The following C16orf46 variants were observed in gnomAD, a reference collection of about 807,000 sequenced individuals.
The protein encoded by C16orf46 is chromosome 16 open reading frame 46.
A neutral mutation model predicts 5.5 loss-of-function variants in C16orf46; 7 were observed. That is an observed-to-expected ratio of 1.28 (90% CI 0.73 to 2.40). The LOEUF is 2.40. C16orf46 is among the 30% of genes most tolerant of loss of function. The probability of loss-of-function intolerance (pLI) is 0.00; values close to 1 mark genes in which losing one functional copy is unlikely to be tolerated. For missense variants in C16orf46, 614 were observed against 476.0 expected (o/e 1.29, Z -2.70); for synonymous variants, 200 against 184.1 (o/e 1.09, Z -0.70).
chr16:81,065,056 C>T (rs1441885835), intron 2 of C16orf46, among the ~76,000 whole-genome samples: 1 of 152,110 alleles, frequency 6.6e-6, no homozygotes, highest in African/African-American at 2.4e-5. Flanking sequence ...AGAATCTAGA[C>T]AAAGGGTCTG....
Position 81,074,866 on chromosome 16 carries a change from C to G in C16orf46, c.-128+2270G>C, listed in dbSNP as rs150928012. ...ATGTAGACTCCAAATGCATCAGATC[C>G]TTGTAAAATTTCCCCTTTTGTTTTT... On this transcript the variant is annotated intron_variant, in intron 1 of 3. Coordinates refer to ENST00000299578, the MANE Select transcript of C16orf46 (RefSeq NM_152337.3). 8.5e-5 allele frequency among the ~76,000 whole-genome samples: 13 copies of G among 152,140 alleles called. No homozygotes were observed. In the East Asian group the frequency reaches 2.3e-3, roughly 27 times the overall value.
chr16:81,074,252 G>A lies in C16orf46; in HGVS notation c.-128+2884C>T, dbSNP rs565014564. Among the ~76,000 whole-genome samples, 7 of 152,242 alleles carry A rather than the reference G, an allele frequency of 4.6e-5. No individual in the cohort carries two copies. In the South Asian group the frequency reaches 1.2e-3, roughly 27 times the overall value. On this transcript the variant is annotated intron_variant, in intron 1 of 3. Transcript: ENST00000299578. The stretch of plus-strand genomic sequence containing the variant: ...ACCTGTCTCTTAAAATGTGGTGCCT[G>A]GAACTGAAAGCAATACCTCAAAAGT...
downstream of C16orf46, among the ~76,000 whole-genome samples, chr16:81,057,596 G>C (rs890225059): frequency 7.4e-5 from 11 of 147,768 alleles, no homozygotes; most frequent in African/African-American, 2.5e-4. Context: ...CACAGTCTTA[G>C]GTTAAAAAAA....
intron 1 of C16orf46, among the ~76,000 whole-genome samples, chr16:81,067,756 C>T (rs1404740889): frequency 1.3e-5 from 2 of 151,988 alleles, no homozygotes; most frequent in African/African-American, 4.8e-5. Context: ...TTTTACCATG[C>T]TGGCCAGGCT....
intron 1 of C16orf46, among the ~76,000 whole-genome samples, chr16:81,075,428 GAAA>G (rs1469815723): frequency 6.6e-6 from 1 of 151,930 alleles, no homozygotes; most frequent in African/African-American, 2.4e-5. Flanking sequence ...CATCTTTACC[GAAA>G]ATACAAAAAT....
Position 81,070,841 on chromosome 16 carries a change from C to G in C16orf46, c.-127-4560G>C, listed in dbSNP as rs545633562. 5.3e-5 allele frequency among the ~76,000 whole-genome samples: 8 copies of G among 152,230 alleles called. No homozygotes were observed. In the South Asian group the frequency reaches 1.5e-3, roughly 28 times the overall value. On this transcript the variant is annotated intron_variant, in intron 1 of 3. Transcript: ENST00000299578. The stretch of plus-strand genomic sequence containing the variant: ...TAGCTTTATGATCTTATAAGTCACT[C>G]TATAGTTTCACTTCTATATAATAAC...
rs553402061 is a variant in C16orf46 at position 81,061,382 on chromosome 16, C to T, written c.967G>A (p.Ala323Thr). The T allele has an allele frequency of 2.5e-6, 4 of 1,614,168 alleles. No homozygotes were observed. In the East Asian group the frequency reaches 8.9e-5, roughly 36 times the overall value. Reference protein sequence around the residue: ...PDPSNVRYLAALQLLQKRGVQ... With the variant: ...PDPSNVRYLATLQLLQKRGVQ... ...CCCCGTTTCTGCAGAAGCTGCAAGG[C>T]AGCAAGGTAGCGAACGTTGCTGGGG... The change falls in exon 4 of 4, where the codon GCC becomes ACC. Residue 323 changes from alanine to threonine, a missense_variant. By Grantham distance (58) the Ala-to-Thr change is moderately conservative (BLOSUM62 0). Coordinates refer to ENST00000299578, the MANE Select transcript of C16orf46 (RefSeq NM_152337.3).
chr16:81,063,976 G>C lies in C16orf46; in HGVS notation c.-21C>G, dbSNP rs1299338699. ...TCCATTACTGTGATGCTTGCTTAAAGTTTTTAACATCTTCTTGCTGTTTAA... is the reference window on the plus strand; with the variant it reads ...TCCATTACTGTGATGCTTGCTTAAACTTTTTAACATCTTCTTGCTGTTTAA... On this transcript the variant is annotated 5_prime_UTR_variant, in exon 3 of 4. Coordinates refer to ENST00000299578, the MANE Select transcript of C16orf46 (RefSeq NM_152337.3). The C allele has an allele frequency of 1.3e-6, 2 of 1,543,198 alleles. No individual in the cohort carries two copies. Among genetic ancestry groups the C allele is most frequent in the African/African-American group, 1.4e-5 (1 of 72,644 alleles).
Position 81,061,382 on chromosome 16 carries a change from C to A in C16orf46, c.967G>T (p.Ala323Ser), listed in dbSNP as rs553402061. ...CCCCGTTTCTGCAGAAGCTGCAAGG[C>A]AGCAAGGTAGCGAACGTTGCTGGGG... ...PDPSNVRYLA[A>S]LQLLQKRGVQ... is the part of the protein sequence containing the mutation. Residue 323 changes from alanine to serine, a missense_variant, in exon 4 of 4, where the codon GCC (alanine) becomes TCC (serine). Ala to Ser is a moderately conservative substitution (Grantham distance 99). Coordinates refer to ENST00000299578, the MANE Select transcript of C16orf46 (RefSeq NM_152337.3). The A allele has an allele frequency of 6.2e-7, 1 of 1,614,168 alleles. No individual in the cohort carries two copies. Among genetic ancestry groups the A allele is most frequent in the Non-Finnish European group, 8.5e-7 (1 of 1,180,028 alleles).
At chr16:81,072,347 GAATA>G (rs1971885220) in intron 1 of C16orf46, 1 of 134,132 alleles carries the variant, frequency 7.5e-6, no homozygotes, top group Non-Finnish European at 1.6e-5. Flanking sequence ...AAAAAAAAAA[GAATA>G]AAAAAGAAAA....
In C16orf46 at chr16:81,071,606, C is replaced by T. The variant is rs535770269; in HGVS notation, c.-127-5325G>A. Among the ~76,000 whole-genome samples, 5 of 151,898 alleles carry T rather than the reference C, an allele frequency of 3.3e-5. No homozygotes were observed. The South Asian group carries it at 1.0e-3, about 32-fold the overall frequency. On this transcript the variant is annotated intron_variant, in intron 1 of 3. Transcript: ENST00000299578. ...TAGAAAATTTTTTTTAATGGCCAGG[C>T]GTGGTGGTGTGTGCCTGTGGTCAGA...
intron 3 of C16orf46, among the ~76,000 whole-genome samples, chr16:81,054,731 C>G (rs1339026049): frequency 6.6e-6 from 1 of 152,120 alleles, no homozygotes; most frequent in Non-Finnish European, 1.5e-5. Flanking sequence ...TCACTGCAAA[C>G]TCCACCTCCA....
intron 1 of C16orf46, among the ~76,000 whole-genome samples, chr16:81,073,789 G>A (rs1971935817): frequency 7.0e-6 from 1 of 143,668 alleles, no homozygotes; most frequent in Non-Finnish European, 1.5e-5. Flanking sequence ...TTTAGGAGCT[G>A]AGAAAAGACC....
At chr16:81,056,796 G>A (rs554796187), downstream of C16orf46, among the ~76,000 whole-genome samples, 4 of 151,326 alleles carry the variant, frequency 2.6e-5, no homozygotes, top group African/African-American at 4.9e-5. Context: ...GAGGACCAGC[G>A]CAAAATGGAG....
intron 2 of C16orf46, among the ~76,000 whole-genome samples, chr16:81,065,473 C>CA (rs11303086): frequency 0.015 from 954 of 64,912 alleles, 4 homozygotes; most frequent in Middle Eastern, 0.038. Flanking sequence ...GAATCCGTCT[C>CA]AAAAAAAAAA....
At chr16:81,071,830 A>T (rs1000192021) in intron 1 of C16orf46, among the ~76,000 whole-genome samples, 1 of 152,260 alleles carries the variant, frequency 6.6e-6, no homozygotes, top group Non-Finnish European at 1.5e-5. Context: ...AAAATGCAGG[A>T]AGGTGAGGAA....
At chr16:81,060,721 C>A, downstream of C16orf46, 1 of 169,992 alleles carries the variant, frequency 5.9e-6, no homozygotes, top group Admixed American at 5.6e-5. Context: ...TCTAAACCAG[C>A]CCAGTATACT....
chr16:81,062,287 A>G, intron 3 of C16orf46, 149 bp from the exon 4 acceptor site: 2 of 653,892 alleles, frequency 3.1e-6, no homozygotes, highest in Non-Finnish European at 4.5e-6. Context: ...CCCACTAATA[A>G]TTTTCTTAAA....
chr16:81,073,660 A>G (rs1391466656), intron 1 of C16orf46, among the ~76,000 whole-genome samples: 2 of 152,244 alleles, frequency 1.3e-5, no homozygotes, highest in African/African-American at 4.8e-5. Flanking sequence ...AGTCTTCTAA[A>G]ACAAACTTGT....
Sources: allele counts gnomAD v4.1 joint callset (sites outside exome capture counted in the v4.1 genomes callset), GRCh38; gene constraint gnomAD v4.1.1; transcripts MANE v1.5; gene names NCBI Gene and HGNC (gene_info 2026-07-23, HGNC 2026-07-21).